Variants in SH3BGRL2 observed in about 807,000 individuals in gnomAD.
SH3BGRL2 encodes SH3 domain-binding glutamic acid-rich-like protein 2.
In SH3BGRL2, 21 loss-of-function variants were observed where a neutral mutation model predicts 14.8. The ratio of observed to expected loss-of-function variants is 1.42; its 90% CI spans 1.01 to 2.05. The LOEUF is 2.05. SH3BGRL2 is among the 30% of genes most tolerant of loss of function. The pLI, the probability that SH3BGRL2 is intolerant of heterozygous loss-of-function variation, is 0.00. For missense variants in SH3BGRL2, 147 were observed against 130.8 expected, an observed-to-expected ratio of 1.12 and a Z score of -0.61; for synonymous variants, 50 against 47.8, an observed-to-expected ratio of 1.05 and a Z score of -0.19.
At chr6:79,676,973 C>A (rs764981225) in intron 2 of SH3BGRL2, among the ~76,000 whole-genome samples, 26 of 152,082 alleles carry the variant, frequency 1.7e-4, no homozygotes, top group Non-Finnish European at 3.1e-4. Flanking sequence ...TGTGCTTGAA[C>A]GGTGTTAGTC....
chr6:79,576,064 C>G, the SH3BGRL2 span, among the ~76,000 whole-genome samples: 1 of 152,084 alleles, frequency 6.6e-6, no homozygotes, highest in African/African-American at 2.4e-5. Context: ...AAGTTAATCA[C>G]TATGATAGCC....
chr6:79,643,999 A>C (rs981216714), intron 1 of SH3BGRL2, among the ~76,000 whole-genome samples: 3 of 152,168 alleles, frequency 2.0e-5, no homozygotes, highest in African/African-American at 7.2e-5. Flanking sequence ...AATACGGGGA[A>C]AGAAAGGTTG....
intron 3 of SH3BGRL2, among the ~76,000 whole-genome samples, chr6:79,697,272 A>T (rs1770351213): frequency 6.6e-6 from 1 of 152,146 alleles, no homozygotes; most frequent in African/African-American, 2.4e-5. Context: ...GAAAATATTA[A>T]AAAAGGGTAA....
the SH3BGRL2 span, chr6:79,561,705 C>T: frequency 6.6e-6 from 1 of 152,198 alleles, no homozygotes; most frequent in Non-Finnish European, 1.5e-5. Context: ...ATGAAATTGC[C>T]CTTTGCACAC....
At chr6:79,578,294 A>G in the SH3BGRL2 span, among the ~76,000 whole-genome samples, 1 of 152,208 alleles carries the variant, frequency 6.6e-6, no homozygotes, top group Non-Finnish European at 1.5e-5. Context: ...ATGATGTTTG[A>G]GCTCTGAGAA....
chr6:79,589,485 A>G, the SH3BGRL2 span, among the ~76,000 whole-genome samples: 3,713 of 152,236 alleles, frequency 0.024, 60 homozygotes, highest in Middle Eastern at 0.071. Context: ...TATAGTACCA[A>G]TCATAATCAA....
At chr6:79,691,006 A>G (rs1332631959) in intron 2 of SH3BGRL2, among the ~76,000 whole-genome samples, 3 of 152,126 alleles carry the variant, frequency 2.0e-5, no homozygotes, top group Non-Finnish European at 2.9e-5. Context: ...AAATGAAACA[A>G]TAGCTGGGTG....
At chr6:79,588,722 C>A in the SH3BGRL2 span, among the ~76,000 whole-genome samples, 1 of 151,872 alleles carries the variant, frequency 6.6e-6, no homozygotes, top group Non-Finnish European at 1.5e-5. Context: ...GTATTATTAA[C>A]AACAATTAAT....
At chr6:79,585,885 A>T in the SH3BGRL2 span, among the ~76,000 whole-genome samples, 1 of 151,972 alleles carries the variant, frequency 6.6e-6, no homozygotes. Flanking sequence ...ACACAAATTC[A>T]TAAACTTTCT....
At chr6:79,631,288 C>G (rs1476879895), upstream of SH3BGRL2, 1 of 460,606 alleles carries the variant, frequency 2.2e-6, no homozygotes, top group African/African-American at 2.0e-5. Flanking sequence ...TGCGGCCGGG[C>G]GGCGCTGGGC....
At chr6:79,607,884 T>A in the SH3BGRL2 span, among the ~76,000 whole-genome samples, 37 of 152,008 alleles carry the variant, frequency 2.4e-4, no homozygotes, top group Non-Finnish European at 1.6e-4. Flanking sequence ...AGACAGAGGT[T>A]ACAGTGAGCC....
At chr6:79,622,171 T>C in the SH3BGRL2 span, among the ~76,000 whole-genome samples, 1 of 152,162 alleles carries the variant, frequency 6.6e-6, no homozygotes, top group Admixed American at 6.5e-5. Flanking sequence ...TGCAGCTGCA[T>C]GTATATCAAT....
chr6:79,555,427 G>A, the SH3BGRL2 span, among the ~76,000 whole-genome samples: 1 of 152,140 alleles, frequency 6.6e-6, no homozygotes, highest in South Asian at 2.1e-4. Flanking sequence ...TCCAGCCTAG[G>A]TGACAGAGCA....
At chr6:79,692,381 T>G (rs951851602) in intron 2 of SH3BGRL2, among the ~76,000 whole-genome samples, 3 of 152,240 alleles carry the variant, frequency 2.0e-5, no homozygotes, top group South Asian at 2.1e-4. Context: ...TTTGTCAATT[T>G]TGGCTTTTGT....
chr6:79,698,072 T>C (rs140370630), intron 3 of SH3BGRL2, among the ~76,000 whole-genome samples: 10 of 152,308 alleles, frequency 6.6e-5, no homozygotes, highest in African/African-American at 2.2e-4. Context: ...TGAAGTTAAC[T>C]TGATTTCAGG....
intron 2 of SH3BGRL2, among the ~76,000 whole-genome samples, chr6:79,694,875 T>G (rs1770300311): frequency 6.6e-6 from 1 of 152,094 alleles, no homozygotes; most frequent in African/African-American, 2.4e-5. Context: ...AGTACTCCCC[T>G]TTTTCCCCTC....
chr6:79,592,532 G>T, the SH3BGRL2 span, among the ~76,000 whole-genome samples: 1 of 152,198 alleles, frequency 6.6e-6, no homozygotes, highest in Non-Finnish European at 1.5e-5. Context: ...CTTGAAGTAT[G>T]AATGGATATT....
the SH3BGRL2 span, among the ~76,000 whole-genome samples, chr6:79,545,965 T>G: frequency 6.6e-6 from 1 of 152,152 alleles, no homozygotes; most frequent in Non-Finnish European, 1.5e-5. Context: ...CTTCTGTTTA[T>G]GAATAACACT....
At chr6:79,619,529 C>G in the SH3BGRL2 span, among the ~76,000 whole-genome samples, 1 of 152,116 alleles carries the variant, frequency 6.6e-6, no homozygotes, top group Non-Finnish European at 1.5e-5. Context: ...CCTCCTGGTC[C>G]TCATTGGTAT....
Sources: gnomAD v4.1 joint callset for allele counts (sites outside exome capture counted in the v4.1 genomes callset) on GRCh38, gnomAD v4.1.1 for gene constraint, MANE v1.5 for transcripts, NCBI Gene and HGNC (gene_info 2026-07-23, HGNC 2026-07-21) for gene names.